CAMK2D: variants seen among roughly 807,000 people sequenced by gnomAD.
CAMK2D encodes the protein calcium/calmodulin-dependent protein kinase type II subunit delta.
In CAMK2D, 37 loss-of-function variants were observed where a neutral mutation model predicts 84.0. The observed-to-expected ratio is 0.44, with a 90% confidence interval of 0.34 to 0.58. The LOEUF (loss-of-function observed/expected upper bound fraction) is 0.58, where lower values mean the gene tolerates loss of function less well. Ranked by LOEUF, CAMK2D falls within the 20% of genes least tolerant of loss-of-function variation. The probability of loss-of-function intolerance (pLI) is 0.02; values close to 1 mark genes in which losing one functional copy is unlikely to be tolerated. For synonymous variants in CAMK2D, 202 were observed against 212.5 expected (o/e 0.95, Z 0.43); for missense variants, 448 against 652.5 (o/e 0.69, Z 3.41).
In CAMK2D at chr4:113,596,499, G is replaced by A. The variant is rs575985701; in HGVS notation, c.275+12653C>T. 7.9e-5 allele frequency among the ~76,000 whole-genome samples: 12 copies of A among 152,232 alleles called. No homozygotes were observed. In the South Asian group the frequency reaches 2.5e-3, roughly 32 times the overall value. ...TAAGGCAGCTATCGCCTTACAAAATGTGTTAATAATAATACTTAAAAGATA... is the reference window on the plus strand; with the variant it reads ...TAAGGCAGCTATCGCCTTACAAAATATGTTAATAATAATACTTAAAAGATA... On this transcript the variant is annotated intron_variant, in intron 4 of 20. Coordinates refer to ENST00000511664, the MANE Select transcript of CAMK2D (RefSeq NM_001321571.2).
chr4:113,519,549 G>T (rs1394476170), intron 8 of CAMK2D, among the ~76,000 whole-genome samples: 1 of 151,724 alleles, frequency 6.6e-6, no homozygotes, highest in African/African-American at 2.4e-5. Context: ...AGGTGCTATT[G>T]ACTAGCCTGA....
At chr4:113,704,597 G>A (rs181381875) in intron 2 of CAMK2D, among the ~76,000 whole-genome samples, 1 of 152,164 alleles carries the variant, frequency 6.6e-6, no homozygotes, top group Admixed American at 6.5e-5. Flanking sequence ...GAGGAGAAAG[G>A]TTACTATTTG....
At chr4:113,604,846 A>G (rs1177408728) in intron 4 of CAMK2D, among the ~76,000 whole-genome samples, 2 of 152,240 alleles carry the variant, frequency 1.3e-5, no homozygotes, top group Admixed American at 6.5e-5. Context: ...TTAATAAGGA[A>G]TACAGAAGCT....
At chr4:113,516,771 T>A (rs1245678950) in intron 9 of CAMK2D, among the ~76,000 whole-genome samples, 1 of 152,120 alleles carries the variant, frequency 6.6e-6, no homozygotes, top group Non-Finnish European at 1.5e-5. Flanking sequence ...TACTCTGTAG[T>A]TACTCTACTT....
In CAMK2D at chr4:113,713,854, T is replaced by A. The variant is rs181841462; in HGVS notation, c.160+45466A>T. Among the ~76,000 whole-genome samples, 153 of 151,972 alleles carry A rather than the reference T, an allele frequency of 1.0e-3. 1 individual carries two copies. Among genetic ancestry groups the A allele is most frequent in the African/African-American group, 3.5e-3 (144 of 41,560 alleles). Reference sequence around the variant, plus strand: ...GTGGCTTACATATTTACATGTAGCATATTCTTTCTTCATGGTAATACAAAC... The same window carrying A: ...GTGGCTTACATATTTACATGTAGCAAATTCTTTCTTCATGGTAATACAAAC... On this transcript the variant is annotated intron_variant, in intron 2 of 20. Transcript: ENST00000511664.
chr4:113,668,552 C>T (rs1240034998), intron 2 of CAMK2D, among the ~76,000 whole-genome samples: 1 of 152,114 alleles, frequency 6.6e-6, no homozygotes, highest in African/African-American at 2.4e-5. Flanking sequence ...CTAAAAGCTA[C>T]ATTAAAAATT....
chr4:113,642,111 A>G (rs1484300828), intron 3 of CAMK2D, among the ~76,000 whole-genome samples: 1 of 152,184 alleles, frequency 6.6e-6, no homozygotes, highest in African/African-American at 2.4e-5. Context: ...CTCCAGATCA[A>G]TTTGTAATGC....
At chr4:113,733,615 C>T (rs893956860) in intron 2 of CAMK2D, among the ~76,000 whole-genome samples, 1 of 152,072 alleles carries the variant, frequency 6.6e-6, no homozygotes, top group Non-Finnish European at 1.5e-5. Context: ...AATTAATTTG[C>T]CTTTCTATTG....
In CAMK2D at chr4:113,629,143, T is replaced by C. The variant is rs1011872400; in HGVS notation, c.221-19937A>G. The stretch of plus-strand genomic sequence containing the variant: ...ATAATTCATTAAACACAAAGAATAA[T>C]GAGGAAGAAACTGTGCTAAGTATCA... On this transcript the variant is annotated intron_variant, in intron 3 of 20. Coordinates refer to ENST00000511664, the MANE Select transcript of CAMK2D (RefSeq NM_001321571.2). Among the ~76,000 whole-genome samples, 11 of 152,136 alleles carry C rather than the reference T, an allele frequency of 7.2e-5. No homozygotes were observed. In the East Asian group the frequency reaches 1.9e-3, roughly 27 times the overall value.
At chr4:113,556,644 C>T (rs542548120) in intron 4 of CAMK2D, among the ~76,000 whole-genome samples, 79 of 152,228 alleles carry the variant, frequency 5.2e-4, no homozygotes, top group African/African-American at 1.7e-3. Context: ...ACCTTGTCAG[C>T]GTGCCAACCA....
At chr4:113,550,972 C>CT (rs2098623727) in intron 5 of CAMK2D, among the ~76,000 whole-genome samples, 1 of 152,012 alleles carries the variant, frequency 6.6e-6, no homozygotes, top group South Asian at 2.1e-4. Context: ...CAAGGAGGGG[C>CT]TGGGAACCTT....
chr4:113,497,355 G>GAAAC (rs907177982), intron 16 of CAMK2D, among the ~76,000 whole-genome samples: 9 of 152,172 alleles, frequency 5.9e-5, no homozygotes, highest in African/African-American at 2.2e-4. Context: ...GCTGAATGAA[G>GAAAC]AAACAGCCTA....
At chr4:113,550,505 A>G (rs1388222476) in intron 5 of CAMK2D, among the ~76,000 whole-genome samples, 1 of 152,194 alleles carries the variant, frequency 6.6e-6, no homozygotes, top group Non-Finnish European at 1.5e-5. Context: ...TTAGAAGGGA[A>G]TGTTCCTTCT....
chr4:113,619,005 C>T (rs954642051), intron 3 of CAMK2D, among the ~76,000 whole-genome samples: 1 of 152,130 alleles, frequency 6.6e-6, no homozygotes, highest in African/African-American at 2.4e-5. Context: ...ACATCTCAAA[C>T]GTGTGGTGCA....
intron 4 of CAMK2D, among the ~76,000 whole-genome samples, chr4:113,559,940 C>T (rs150344604): frequency 4.1e-4 from 62 of 152,260 alleles, no homozygotes; most frequent in African/African-American, 1.5e-3. Context: ...TTTGTTGATA[C>T]GCCCCTATAC....
chr4:113,514,299 G>A (rs181175374), intron 10 of CAMK2D, among the ~76,000 whole-genome samples: 23 of 152,246 alleles, frequency 1.5e-4, no homozygotes, highest in Admixed American at 1.1e-3. Flanking sequence ...TGTAATCCCA[G>A]CTACTCGGGA....
At chr4:113,494,472 C>T (rs1392263612) in intron 16 of CAMK2D, among the ~76,000 whole-genome samples, 1 of 152,160 alleles carries the variant, frequency 6.6e-6, no homozygotes, top group African/African-American at 2.4e-5. Flanking sequence ...GGTCAGGGAC[C>T]CACTTGAGGA....
chr4:113,751,191 T>C (rs1594132413), intron 2 of CAMK2D, among the ~76,000 whole-genome samples: 1 of 152,162 alleles, frequency 6.6e-6, no homozygotes, highest in East Asian at 1.9e-4. Flanking sequence ...TTGATGAGTC[T>C]ACTGGGAATA....
intron 6 of CAMK2D, among the ~76,000 whole-genome samples, chr4:113,546,911 G>C (rs984184251): frequency 3.3e-5 from 5 of 152,106 alleles, no homozygotes; most frequent in African/African-American, 1.2e-4. Context: ...AAAATTCTCT[G>C]TCCTCAAGGG....
Sources: gnomAD v4.1 joint callset for allele counts (sites outside exome capture counted in the v4.1 genomes callset) on GRCh38, gnomAD v4.1.1 for gene constraint, MANE v1.5 for transcripts, NCBI Gene and HGNC (gene_info 2026-07-23, HGNC 2026-07-21) for gene names.